The following HTR3B variants were observed in gnomAD, a reference collection of about 807,000 sequenced individuals.
HTR3B encodes the protein 5-hydroxytryptamine (serotonin) receptor 3B, ionotropic.
A neutral mutation model predicts 42.8 loss-of-function variants in HTR3B; 44 were observed. That is an observed-to-expected ratio of 1.03 (90% CI 0.81 to 1.32). The LOEUF is 1.32. Among genes scored for constraint, HTR3B ranks in the 40% most tolerant of loss-of-function variants. The pLI is 0.00. For missense variants in HTR3B, 527 were observed against 536.5 expected, an observed-to-expected ratio of 0.98 and a Z score of 0.17; for synonymous variants, 203 against 209.0, an observed-to-expected ratio of 0.97 and a Z score of 0.25.
chr11:113,944,024 T>C (rs796858684), intron 7 of HTR3B, among the ~76,000 whole-genome samples: 25 of 42,836 alleles, frequency 5.8e-4, no homozygotes, highest in African/African-American at 3.6e-3. Context: ...CTCTCTCTCT[T>C]TTTTTTTTTT....
intron 2 of HTR3B, among the ~76,000 whole-genome samples, chr11:113,923,310 A>G (rs1322372560): frequency 6.6e-6 from 1 of 152,200 alleles, no homozygotes; most frequent in Non-Finnish European, 1.5e-5. Context: ...CCTCGCCTCC[A>G]TTATAATGTT....
Position 113,948,589 on chromosome 11 carries a change from C to T in HTR3B, c.*2452C>T, listed in dbSNP as rs1038323537. Among the ~76,000 whole-genome samples, 10 of 152,162 alleles carry T rather than the reference C, an allele frequency of 6.6e-5. No homozygotes were observed. Among genetic ancestry groups the T allele is most frequent in the South Asian group, 2.1e-4 (1 of 4,836 alleles). On this transcript the variant is annotated 3_prime_UTR_variant, in exon 9 of 9. Transcript: ENST00000260191. Reference sequence around the variant, plus strand: ...ATGCTTTGAAAAGTAAATAATGGGGCGTGGTGGCTCACGCCTATAATCCCA... The same window carrying T: ...ATGCTTTGAAAAGTAAATAATGGGGTGTGGTGGCTCACGCCTATAATCCCA...
intron 6 of HTR3B, among the ~76,000 whole-genome samples, chr11:113,934,759 C>CTT (rs58163738): frequency 0.013 from 1,962 of 146,682 alleles, 40 homozygotes; most frequent in African/African-American, 0.043. Context: ...AGCAAGCAAG[C>CTT]TTTTTTTTTT....
At chr11:113,936,788 T>C (rs1299909510) in intron 6 of HTR3B, among the ~76,000 whole-genome samples, 3 of 152,174 alleles carry the variant, frequency 2.0e-5, no homozygotes, top group African/African-American at 7.2e-5. Context: ...AAGCGGAGTC[T>C]AGGCGTCAAA....
intron 2 of HTR3B, among the ~76,000 whole-genome samples, chr11:113,911,495 G>A (rs1949792824): frequency 6.6e-6 from 1 of 151,572 alleles, no homozygotes; most frequent in African/African-American, 2.4e-5. Flanking sequence ...CTCCCAAAGT[G>A]TTGGGATTAT....
intron 2 of HTR3B, among the ~76,000 whole-genome samples, chr11:113,924,592 C>G (rs1268275612): frequency 6.8e-6 from 1 of 146,190 alleles, no homozygotes; most frequent in Non-Finnish European, 1.5e-5. Flanking sequence ...GCCACTGCAC[C>G]CCAGCTTGGG....
intron 2 of HTR3B, among the ~76,000 whole-genome samples, chr11:113,911,567 C>T (rs1259182413): frequency 6.6e-6 from 1 of 151,924 alleles, no homozygotes; most frequent in Non-Finnish European, 1.5e-5. Flanking sequence ...CACTCTGTTG[C>T]CCAGGCTGGA....
intron 2 of HTR3B, among the ~76,000 whole-genome samples, chr11:113,920,540 T>C (rs1272412064): frequency 1.3e-5 from 2 of 151,928 alleles, no homozygotes; most frequent in African/African-American, 4.8e-5. Context: ...CATGTCCAGC[T>C]AACTTGTATT....
At position 113,909,221 on chromosome 11, in the gene HTR3B, T is replaced by G. The variant is rs537255371; in HGVS notation, c.53-74T>G. 63 of 1,189,068 alleles carry G rather than the reference T, an allele frequency of 5.3e-5. No individual in the cohort carries two copies. In the East Asian group the frequency reaches 1.4e-3, roughly 26 times the overall value. 73.7% of individuals were successfully genotyped at this position (1,189,068 alleles called of 1,614,324 possible). A position where few individuals can be genotyped will look rare whatever the true frequency, so the allele number is the denominator to read the frequency against. On this transcript the variant is annotated intron_variant, in intron 1 of 8. Coordinates refer to ENST00000260191, the MANE Select transcript of HTR3B (RefSeq NM_006028.5). The stretch of plus-strand genomic sequence containing the variant: ...TATTCTAGTAAAAGCCACCGAGTCC[T>G]GAACAGTCTGAAACCTCCTAAAGAA...
upstream of HTR3B, among the ~76,000 whole-genome samples, chr11:113,904,446 C>T (rs1949719406): frequency 6.6e-6 from 1 of 152,164 alleles, no homozygotes; most frequent in African/African-American, 2.4e-5. Flanking sequence ...TTCAAGAGCC[C>T]AAGAACCACT....
chr11:113,941,956 T>C (rs994029788), intron 6 of HTR3B, among the ~76,000 whole-genome samples: 3 of 152,200 alleles, frequency 2.0e-5, no homozygotes, highest in African/African-American at 7.2e-5. Context: ...GCAGATAGTC[T>C]CATTTTTGAG....
upstream of HTR3B, among the ~76,000 whole-genome samples, chr11:113,901,664 A>G (rs554381904): frequency 6.6e-6 from 1 of 152,364 alleles, no homozygotes; most frequent in Non-Finnish European, 1.5e-5. Context: ...CATAATGGGC[A>G]GGATTACTAG....
At position 113,944,591 on chromosome 11, in the gene HTR3B, G is replaced by A; in HGVS notation, c.926G>A (p.Cys309Tyr). ...TPLIGHFFTICMAFLVLSLAK... is the reference protein window; with the variant it reads ...TPLIGHFFTIYMAFLVLSLAK... ...CTCTCAGGGCACTTCTTCACCATCTGCATGGCCTTCTTGGTTCTCAGCTTA... is the reference window on the plus strand; with the variant it reads ...CTCTCAGGGCACTTCTTCACCATCTACATGGCCTTCTTGGTTCTCAGCTTA... The change falls in exon 8 of 9, where the codon TGC (cysteine) becomes TAC (tyrosine). Residue 309 changes from cysteine to tyrosine, a missense_variant. Physicochemically the swap from Cys to Tyr is radical, Grantham distance 194. Coordinates refer to ENST00000260191, the MANE Select transcript of HTR3B (RefSeq NM_006028.5). The A allele has an allele frequency of 1.2e-6, 2 of 1,614,060 alleles. No individual in the cohort carries two copies. The highest frequency in any genetic ancestry group is 1.7e-6 in the Non-Finnish European group (2 of 1,179,962).
chr11:113,917,413 G>A (rs933072246), intron 2 of HTR3B, among the ~76,000 whole-genome samples: 2 of 152,062 alleles, frequency 1.3e-5, no homozygotes, highest in East Asian at 1.9e-4. Context: ...GATTACAGCC[G>A]TGAGCCACTG....
intron 2 of HTR3B, among the ~76,000 whole-genome samples, chr11:113,913,097 A>G (rs1427026032): frequency 1.3e-5 from 2 of 150,120 alleles, no homozygotes; most frequent in African/African-American, 2.4e-5. Context: ...TTCGCTATTC[A>G]TTTTCTTAAT....
chr11:113,907,437 A>C (rs747910154), intron 1 of HTR3B, among the ~76,000 whole-genome samples: 1 of 152,208 alleles, frequency 6.6e-6, no homozygotes, highest in African/African-American at 2.4e-5. Context: ...ATTTGCATTC[A>C]TAGTAGAAAT....
intron 2 of HTR3B, among the ~76,000 whole-genome samples, chr11:113,909,984 CAAAAAA>C (rs1178070726): frequency 7.7e-5 from 3 of 39,006 alleles, no homozygotes; most frequent in Non-Finnish European, 1.5e-4. Flanking sequence ...ACCTTGTCTC[CAAAAAA>C]AAAAAAAAAA....
intron 2 of HTR3B, among the ~76,000 whole-genome samples, chr11:113,923,906 A>G (rs1411785399): frequency 4.6e-5 from 7 of 152,246 alleles, no homozygotes; most frequent in African/African-American, 1.7e-4. Context: ...ATAAAGTGTT[A>G]GAAAAAAATT....
chr11:113,909,525 C>A, intron 2 of HTR3B, 70 bp downstream of exon 2: 1 of 1,263,320 alleles, frequency 7.9e-7, no homozygotes. Flanking sequence ...CATGCAGGAG[C>A]CTATGAGAGG....
Sources: allele counts gnomAD v4.1 joint callset (sites outside exome capture counted in the v4.1 genomes callset), GRCh38; gene constraint gnomAD v4.1.1; transcripts MANE v1.5; gene names NCBI Gene and HGNC (gene_info 2026-07-23, HGNC 2026-07-21).